Variants in IL16 observed in about 807,000 individuals in gnomAD.
IL16 encodes pro-interleukin-16.
Under a neutral mutation model 110.1 loss-of-function variants are expected in IL16, and 67 were observed. The ratio of observed to expected loss-of-function variants is 0.61; its 90% confidence interval spans 0.50 to 0.75. The LOEUF is 0.75. Among genes scored for constraint, IL16 ranks in the 30% least tolerant of loss-of-function variants. The probability of loss-of-function intolerance (pLI) is 0.00; values close to 1 mark genes in which losing one functional copy is unlikely to be tolerated. For missense variants in IL16, 1,545 were observed against 1,655.0 expected, an observed-to-expected ratio of 0.93 and a Z score of 1.15; for synonymous variants, 689 against 662.9, an observed-to-expected ratio of 1.04 and a Z score of -0.61.
rs774580355 is a variant in IL16, at chr15:81,313,421, G to A, written c.*4623G>A. ...TGGGTTCCCTGTGAAGGCAACAGCA[G>A]AGCTGTGTTATGATCTGCAGCAGAG... On this transcript the variant is annotated 3_prime_UTR_variant, in exon 19 of 19. Coordinates refer to ENST00000683961, the MANE Select transcript of IL16 (RefSeq NM_172217.5). 1 of 1,523,676 alleles carries A rather than the reference G, an allele frequency of 6.6e-7. No individual in the cohort carries two copies. Among genetic ancestry groups the A allele is most frequent in the Non-Finnish European group, 8.8e-7 (1 of 1,132,738 alleles). The allele number at this position is 1,523,676 out of a possible 1,614,324, so 94.4% of individuals were successfully genotyped here. A position where few individuals can be genotyped will look rare whatever the true frequency, so the allele number is the denominator to read the frequency against.
intron 2 of IL16, among the ~76,000 whole-genome samples, chr15:81,245,262 T>C (rs1897496385): frequency 6.6e-6 from 1 of 152,194 alleles, no homozygotes; most frequent in Non-Finnish European, 1.5e-5. Context: ...AGGCCCTGGA[T>C]CTTATTCAAA....
At chr15:81,243,150 T>TATATATATATATATATATAC (rs1897397117) in intron 2 of IL16, among the ~76,000 whole-genome samples, 1 of 41,776 alleles carries the variant, frequency 2.4e-5, no homozygotes, top group South Asian at 1.1e-3. Flanking sequence ...TAAGTATATA[T>TATATATATATATATATATAC]ATATATATAT....
intron 2 of IL16, 41 bp from the exon 3 acceptor site, chr15:81,259,731 A>G (rs533505074): frequency 1.1e-5 from 15 of 1,425,268 alleles, no homozygotes; most frequent in Non-Finnish European, 1.5e-5. Flanking sequence ...CAAGTTTTCT[A>G]TTCTAACTTG....
intron 10 of IL16, among the ~76,000 whole-genome samples, chr15:81,286,100 G>T (rs1037068377): frequency 6.6e-6 from 1 of 152,212 alleles, no homozygotes; most frequent in East Asian, 1.9e-4. Context: ...CAGGGTCCCA[G>T]CTAGTAGACC....
Position 81,299,865 on chromosome 15 carries a change from G to A in IL16, c.2539G>A (p.Glu847Lys), listed in dbSNP as rs866102425. ...CATCAGGCAGAGAATCAGCTCCTTT[G>A]AAACCTTTGGCTCCTCTCAACTGCC... is the stretch of plus-strand genomic sequence containing the variant. Reference protein sequence around the residue: ...SSIRQRISSFETFGSSQLPDK... With the variant: ...SSIRQRISSFKTFGSSQLPDK... The change falls in exon 14 of 19, where the codon GAA becomes AAA. Residue 847 changes from glutamate to lysine, a missense_variant. This residue lies in a region of IL16 where 1,185 missense variants were observed against 1,238.8 expected (regional missense o/e 0.96). Transcript: ENST00000683961. The A allele has an allele frequency of 6.2e-7, 1 of 1,613,660 alleles. No homozygotes were observed. The highest frequency in any genetic ancestry group is 8.5e-7 in the Non-Finnish European group (1 of 1,179,988).
rs373557390 is a variant in IL16, at chr15:81,302,435, G to A, written c.3318+923G>A. Among the ~76,000 whole-genome samples the A allele has an allele frequency of 1.3e-4, 20 of 152,302 alleles. No homozygotes were observed. The South Asian group carries it at 4.1e-3, about 32-fold the overall frequency. ...GGGGAGAGTATTTGCTTTCTAACAT[G>A]AGAAGAGCCTTCTACAAGGCAAGTA... On this transcript the variant is annotated intron_variant, in intron 15 of 18. Coordinates refer to ENST00000683961, the MANE Select transcript of IL16 (RefSeq NM_172217.5).
Position 81,255,376 on chromosome 15 carries a change from C to A in IL16, c.313-4396C>A, listed in dbSNP as rs180977038. ...TCAATTTCACAAAACTGTCAAAGAA[C>A]TTGATTATAGCCTAGTGAGATACAC... On this transcript the variant is annotated intron_variant, in intron 2 of 18. Transcript: ENST00000683961. 2.4e-3 allele frequency among the ~76,000 whole-genome samples: 367 copies of A among 152,310 alleles called. 2 individuals are homozygous for A. The highest frequency in any genetic ancestry group is 8.0e-3 in the African/African-American group (332 of 41,564).
chr15:81,243,748 T>C (rs1186877662), intron 2 of IL16, among the ~76,000 whole-genome samples: 1 of 152,186 alleles, frequency 6.6e-6, no homozygotes, highest in African/African-American at 2.4e-5. Flanking sequence ...TATAGAACTA[T>C]TCAAATTATG....
intron 2 of IL16, among the ~76,000 whole-genome samples, chr15:81,238,161 C>G (rs1052091794): frequency 7.9e-5 from 12 of 152,206 alleles, no homozygotes; most frequent in African/African-American, 2.9e-4. Context: ...CTCAGCCTCC[C>G]AAAGTGCTGG....
intron 1 of IL16, among the ~76,000 whole-genome samples, chr15:81,183,467 C>A (rs1247749754): frequency 6.6e-6 from 1 of 152,210 alleles, no homozygotes; most frequent in East Asian, 1.9e-4. Flanking sequence ...TTATTAAAAT[C>A]TTCTTCTTTT....
chr15:81,209,278 T>C (rs1471823619), intron 1 of IL16, among the ~76,000 whole-genome samples: 3 of 151,822 alleles, frequency 2.0e-5, no homozygotes, highest in Non-Finnish European at 4.4e-5. Context: ...GCAGACAGTG[T>C]GGGGAGGGGC....
Position 81,279,104 on chromosome 15 carries a change from T to C in IL16, c.864+214T>C, listed in dbSNP as rs150837727. On this transcript the variant is annotated intron_variant, in intron 7 of 18. Transcript: ENST00000683961. Reference sequence around the variant, plus strand: ...TGGGGGATTTTAAAACTCTTTAATATTTATAAAATTGTTTTAAAACACTCT... The same window carrying C: ...TGGGGGATTTTAAAACTCTTTAATACTTATAAAATTGTTTTAAAACACTCT... 4.3e-3 allele frequency among the ~76,000 whole-genome samples: 651 copies of C among 152,370 alleles called. 5 individuals are homozygous for C. Among genetic ancestry groups the C allele is most frequent in the African/African-American group, 0.015 (626 of 41,586 alleles).
chr15:81,231,781 G>C (rs933851322), intron 2 of IL16, among the ~76,000 whole-genome samples: 6 of 152,026 alleles, frequency 3.9e-5, no homozygotes, highest in Non-Finnish European at 8.8e-5. Context: ...TGTATATGTT[G>C]TGAGTTAGCT....
intron 2 of IL16, among the ~76,000 whole-genome samples, chr15:81,253,370 A>C (rs368421354): frequency 2.0e-5 from 3 of 152,276 alleles, no homozygotes; most frequent in African/African-American, 7.2e-5. Flanking sequence ...CTCTAGATAC[A>C]CAAGTCCCTT....
chr15:81,202,895 G>A (rs1204750243), intron 1 of IL16, among the ~76,000 whole-genome samples: 13 of 150,938 alleles, frequency 8.6e-5, no homozygotes, highest in Admixed American at 5.3e-4. Flanking sequence ...CTGAGGAATC[G>A]CCACACTGAC....
intron 17 of IL16, 126 bp downstream of exon 17, chr15:81,306,292 T>C: frequency 6.6e-7 from 1 of 1,519,982 alleles, no homozygotes; most frequent in Non-Finnish European, 8.9e-7. Context: ...GTACACTGCC[T>C]GAGACGTGTT....
chr15:81,297,987 G>A (rs1334797701), intron 13 of IL16, among the ~76,000 whole-genome samples: 1 of 152,242 alleles, frequency 6.6e-6, no homozygotes, highest in African/African-American at 2.4e-5. Flanking sequence ...CAGAGGCCCT[G>A]TGGGTGGAGG....
chr15:81,277,526 C>G (rs1898969147), intron 6 of IL16, among the ~76,000 whole-genome samples: 2 of 151,796 alleles, frequency 1.3e-5, no homozygotes, highest in Admixed American at 1.3e-4. Context: ...CTCACTGCAG[C>G]CTTGATCTCC....
Position 81,300,387 on chromosome 15 carries a change from G to C in IL16, c.3061G>C (p.Gly1021Arg). The C allele has an allele frequency of 6.2e-7, 1 of 1,614,154 alleles. No individual in the cohort carries two copies. Among genetic ancestry groups the C allele is most frequent in the South Asian group, 1.1e-5 (1 of 91,082 alleles). ...CCAGACTCCCTGCATCCCCAAGGAA[G>C]GGGCATCTCCAACATCATCATCCAA... is the stretch of plus-strand genomic sequence containing the variant. Reference protein sequence around the residue: ...CAQTPCIPKEGASPTSSSNED... With the variant: ...CAQTPCIPKERASPTSSSNED... Residue 1021 changes from glycine to arginine, a missense_variant, in exon 14 of 19, where the codon GGG (glycine) becomes CGG (arginine). By Grantham distance (125) the Gly-to-Arg change is moderately radical. Around this residue, in one of 3 missense-constraint regions of IL16, gnomAD observed 356 missense variants for 399.3 expected, o/e 0.89. Coordinates refer to ENST00000683961, the MANE Select transcript of IL16 (RefSeq NM_172217.5).
Sources: gnomAD v4.1 joint callset for allele counts (sites outside exome capture counted in the v4.1 genomes callset) on GRCh38, gnomAD v4.1.1 for gene constraint, gnomAD v4.1.1 regional missense constraint, MANE v1.5 for transcripts, NCBI Gene and HGNC (gene_info 2026-07-23, HGNC 2026-07-21) for gene names.